RALGAPA2: variants seen among roughly 807,000 people sequenced by gnomAD.
RALGAPA2 encodes ral GTPase-activating protein subunit alpha-2.
RALGAPA2 carries 139 observed loss-of-function variants against 230.4 expected under a neutral mutation model. That is an observed-to-expected ratio of 0.60 (90% confidence interval 0.53 to 0.69). The LOEUF is 0.69. RALGAPA2 is among the 30% of genes least tolerant of loss of function. The pLI is 0.00. For synonymous variants in RALGAPA2, 847 were observed against 837.8 expected (o/e 1.01, Z -0.19); for missense variants, 2,163 against 2,276.0 (o/e 0.95, Z 1.01).
chr20:20,619,452 G>T, intron 11 of RALGAPA2, 38 bp from the exon 12 acceptor site: 1 of 1,450,872 alleles, frequency 6.9e-7, no homozygotes, highest in Non-Finnish European at 9.2e-7. Context: ...AGTGGAAGAT[G>T]CACGTGTTTA....
intron 37 of RALGAPA2, among the ~76,000 whole-genome samples, chr20:20,431,660 T>C (rs906050148): frequency 6.6e-6 from 1 of 152,206 alleles, no homozygotes; most frequent in African/African-American, 2.4e-5. Flanking sequence ...AATAATGTAT[T>C]ATAGATTTCA....
intron 35 of RALGAPA2, among the ~76,000 whole-genome samples, chr20:20,500,690 C>T (rs1294990095): frequency 1.3e-5 from 2 of 152,176 alleles, no homozygotes; most frequent in Non-Finnish European, 2.9e-5. Context: ...CCATGAATCA[C>T]GAATGTTCCT....
chr20:20,502,110 T>C lies in RALGAPA2; in HGVS notation c.5208+1241A>G, dbSNP rs200386438. Among the ~76,000 whole-genome samples, 5 of 152,210 alleles carry C rather than the reference T, an allele frequency of 3.3e-5. No individual in the cohort carries two copies. In the East Asian group the frequency reaches 7.7e-4, roughly 23 times the overall value. On this transcript the variant is annotated intron_variant, in intron 35 of 39. Transcript: ENST00000202677. ...TGAGACAGAGACACAAATGAGCATC[T>C]GCTGTTAGAAAAATGGTGCCAATAG...
intron 35 of RALGAPA2, among the ~76,000 whole-genome samples, chr20:20,499,803 G>T (rs1444385139): frequency 6.6e-6 from 1 of 152,156 alleles, no homozygotes; most frequent in Non-Finnish European, 1.5e-5. Flanking sequence ...CTGTAATTGG[G>T]CCATGACTTG....
chr20:20,595,982 CA>C (rs973632670), intron 16 of RALGAPA2, among the ~76,000 whole-genome samples: 10 of 151,582 alleles, frequency 6.6e-5, no homozygotes, highest in African/African-American at 2.4e-4. Context: ...AACAAACAAA[CA>C]AAAAAACTGT....
At chr20:20,410,924 G>C (rs564260996) in intron 38 of RALGAPA2, among the ~76,000 whole-genome samples, 2 of 152,138 alleles carry the variant, frequency 1.3e-5, no homozygotes, top group East Asian at 1.9e-4. Context: ...GGCTCCCTGC[G>C]CAAGTGCGTG....
rs193194642 is a variant in RALGAPA2 at position 20,626,497 on chromosome 20, T to C, written c.1233+2866A>G. Among the ~76,000 whole-genome samples, 31 of 152,344 alleles carry C rather than the reference T, an allele frequency of 2.0e-4. 1 individual carries two copies. The East Asian group carries it at 3.3e-3, about 16-fold the overall frequency. Reference sequence around the variant, plus strand: ...CTCAATGATCAAAACTACTTCAAAATTGAATTTAGATTGGGTTTAATATTT... The same window carrying C: ...CTCAATGATCAAAACTACTTCAAAACTGAATTTAGATTGGGTTTAATATTT... On this transcript the variant is annotated intron_variant, in intron 10 of 39. Coordinates refer to ENST00000202677, the MANE Select transcript of RALGAPA2 (RefSeq NM_020343.4).
intron 26 of RALGAPA2, among the ~76,000 whole-genome samples, chr20:20,532,660 G>A (rs2063396510): frequency 6.6e-6 from 1 of 152,104 alleles, no homozygotes; most frequent in Non-Finnish European, 1.5e-5. Flanking sequence ...ATATAAAAGG[G>A]GTTCACTGAA....
chr20:20,668,285 C>T (rs188007493), intron 3 of RALGAPA2, among the ~76,000 whole-genome samples: 1 of 152,140 alleles, frequency 6.6e-6, no homozygotes, highest in African/African-American at 2.4e-5. Flanking sequence ...TGCCTGTAGT[C>T]CCAGCTACTT....
At chr20:20,685,284 A>C (rs2068660071) in intron 1 of RALGAPA2, among the ~76,000 whole-genome samples, 1 of 152,236 alleles carries the variant, frequency 6.6e-6, no homozygotes. Flanking sequence ...TCAGGGGTGC[A>C]CAGGTAAACA....
chr20:20,591,435 C>T, intron 16 of RALGAPA2, 121 bp from the exon 17 acceptor site: 1 of 1,174,992 alleles, frequency 8.5e-7, no homozygotes, highest in Non-Finnish European at 1.2e-6. Flanking sequence ...AATTTATAGT[C>T]AGATAATCTG....
chr20:20,533,316 T>A (rs1394378615), intron 26 of RALGAPA2, among the ~76,000 whole-genome samples: 2 of 151,898 alleles, frequency 1.3e-5, no homozygotes, highest in Non-Finnish European at 2.9e-5. Context: ...AAGAAGACTA[T>A]AAAAAGGTTA....
chr20:20,585,539 T>C (rs1306952941), intron 18 of RALGAPA2, among the ~76,000 whole-genome samples: 2 of 152,144 alleles, frequency 1.3e-5, no homozygotes, highest in Admixed American at 6.5e-5. Flanking sequence ...AAAATAATTA[T>C]AATGTATATA....
chr20:20,422,363 C>A (rs2060294555), intron 37 of RALGAPA2, among the ~76,000 whole-genome samples: 2 of 151,812 alleles, frequency 1.3e-5, no homozygotes, highest in Admixed American at 6.6e-5. Flanking sequence ...ACTTTGGAGA[C>A]TAAGGTGGGA....
At chr20:20,440,237 A>T (rs1207925924) in intron 37 of RALGAPA2, among the ~76,000 whole-genome samples, 2 of 152,186 alleles carry the variant, frequency 1.3e-5, no homozygotes, top group Admixed American at 6.5e-5. Flanking sequence ...GTATAATCAA[A>T]GAAACAGGGT....
At chr20:20,535,925 T>A (rs1170958048) in intron 25 of RALGAPA2, 122 bp from the exon 26 acceptor site, 1 of 1,384,082 alleles carries the variant, frequency 7.2e-7, no homozygotes, top group Admixed American at 3.1e-5. Flanking sequence ...AGAGAGCTCA[T>A]CTATGAGTGA....
chr20:20,496,999 C>T (rs1231203250), intron 35 of RALGAPA2, among the ~76,000 whole-genome samples: 3 of 152,186 alleles, frequency 2.0e-5, no homozygotes, highest in Non-Finnish European at 4.4e-5. Flanking sequence ...CACGATGATC[C>T]AGAACAATTT....
Position 20,546,657 on chromosome 20 carries a change from T to C in RALGAPA2, c.3285+47A>G, listed in dbSNP as rs776192824. ...GGAGAAATCTGAACCTTGTTAGCGA[T>C]TGTGAAGCCTCTTGGGAGCTGGGAT... On this transcript the variant is annotated intron_variant, in intron 24 of 39. Coordinates refer to ENST00000202677, the MANE Select transcript of RALGAPA2 (RefSeq NM_020343.4). The C allele has an allele frequency of 7.2e-6, 11 of 1,527,270 alleles. 1 individual carries two copies. The highest frequency in any genetic ancestry group is 1.3e-5 in the South Asian group (1 of 76,150). 94.6% of individuals were successfully genotyped at this position (1,527,270 alleles called of 1,614,324 possible).
chr20:20,675,392 G>A (rs930895218), intron 3 of RALGAPA2, among the ~76,000 whole-genome samples: 7 of 151,982 alleles, frequency 4.6e-5, no homozygotes, highest in African/African-American at 1.5e-4. Context: ...TCCTACTGTA[G>A]GAGATCTTTC....
Sources: allele counts gnomAD v4.1 joint callset (sites outside exome capture counted in the v4.1 genomes callset), GRCh38; gene constraint gnomAD v4.1.1; transcripts MANE v1.5; gene names NCBI Gene and HGNC (gene_info 2026-07-23, HGNC 2026-07-21).